The following FHIT variants were observed in gnomAD, a reference collection of about 807,000 sequenced individuals.
The protein encoded by FHIT is fragile histidine triad diadenosine triphosphatase.
In FHIT, 19 loss-of-function variants were observed where a neutral mutation model predicts 17.9. The ratio of observed to expected loss-of-function variants is 1.06; its 90% CI spans 0.74 to 1.56. The LOEUF is 1.56. Ranked by LOEUF, FHIT falls within the 40% of genes most tolerant of loss-of-function variation. FHIT has a pLI of 0.00. For missense variants in FHIT, 248 were observed against 189.2 expected (o/e 1.31, Z -1.82); for synonymous variants, 81 against 69.7 (o/e 1.16, Z -0.81).
chr3:61,123,066 G>A (rs879331366), intron 2 of FHIT, among the ~76,000 whole-genome samples: 25 of 151,366 alleles, frequency 1.7e-4, no homozygotes, highest in Non-Finnish European at 3.0e-4. Context: ...ATGTTCAATT[G>A]CAGCTGTTCA....
intron 5 of FHIT, among the ~76,000 whole-genome samples, chr3:60,358,686 C>A (rs1383871171): frequency 1.3e-5 from 2 of 152,180 alleles, no homozygotes; most frequent in Non-Finnish European, 2.9e-5. Flanking sequence ...TAGGTCTATA[C>A]TTTCTAGTGC....
chr3:59,791,748 A>G (rs1298543768), intron 8 of FHIT, among the ~76,000 whole-genome samples: 1 of 152,198 alleles, frequency 6.6e-6, no homozygotes. Flanking sequence ...GGGCAAGGAC[A>G]TTTCCACAAG....
chr3:60,440,961 G>A (rs1344229849), intron 5 of FHIT, among the ~76,000 whole-genome samples: 1 of 152,070 alleles, frequency 6.6e-6, no homozygotes, highest in Admixed American at 6.6e-5. Flanking sequence ...CCCAGCAAGA[G>A]AAATGTATTA....
At chr3:60,706,682 T>C (rs1238921681) in intron 4 of FHIT, among the ~76,000 whole-genome samples, 1 of 152,184 alleles carries the variant, frequency 6.6e-6, no homozygotes, top group Non-Finnish European at 1.5e-5. Flanking sequence ...GAAAAAATAT[T>C]TCTATTTCCA....
intron 4 of FHIT, among the ~76,000 whole-genome samples, chr3:60,760,420 G>T (rs1699606947): frequency 6.6e-6 from 1 of 152,210 alleles, no homozygotes; most frequent in African/African-American, 2.4e-5. Flanking sequence ...AGAAGCTATT[G>T]GAGATCTGAG....
intron 5 of FHIT, among the ~76,000 whole-genome samples, chr3:60,126,913 A>G (rs1705577300): frequency 6.6e-6 from 1 of 152,146 alleles, no homozygotes; most frequent in African/African-American, 2.4e-5. Flanking sequence ...TAATACCTGC[A>G]GGGAGGTGCG....
At chr3:60,011,448 C>G (rs957450885) in intron 6 of FHIT, 48 bp from the exon 7 acceptor site, 2 of 1,482,150 alleles carry the variant, frequency 1.3e-6, no homozygotes, top group African/African-American at 2.8e-5. Context: ...TAGATGGTAT[C>G]TCCTGCTTAT....
chr3:61,143,714 A>G (rs1341312918), intron 2 of FHIT, among the ~76,000 whole-genome samples: 2 of 152,158 alleles, frequency 1.3e-5, no homozygotes, highest in Admixed American at 1.3e-4. Context: ...AAAAATACAA[A>G]AATTAGCCGG....
chr3:60,788,789 C>G (rs1414163043), intron 4 of FHIT, among the ~76,000 whole-genome samples: 1 of 151,970 alleles, frequency 6.6e-6, no homozygotes, highest in Admixed American at 6.6e-5. Flanking sequence ...CATTTGTGGC[C>G]TCCTATCGTG....
chr3:60,469,219 T>G (rs410552), intron 5 of FHIT, among the ~76,000 whole-genome samples: 1 of 151,926 alleles, frequency 6.6e-6, no homozygotes, highest in African/African-American at 2.4e-5. Context: ...TTTGGAAGTT[T>G]TCTGTTATCC....
At chr3:59,940,320 T>TA (rs34023165) in intron 7 of FHIT, among the ~76,000 whole-genome samples, 5 of 152,084 alleles carry the variant, frequency 3.3e-5, no homozygotes, top group African/African-American at 7.2e-5. Context: ...ATCTTTCAGT[T>TA]AAAAAAAATT....
At chr3:60,702,173 C>G (rs2041264075) in intron 4 of FHIT, among the ~76,000 whole-genome samples, 1 of 152,144 alleles carries the variant, frequency 6.6e-6, no homozygotes, top group Admixed American at 6.6e-5. Context: ...TGAAAAGACA[C>G]TTTTACTGAA....
chr3:59,779,773 A>G (rs1417393390), intron 8 of FHIT, among the ~76,000 whole-genome samples: 5 of 152,192 alleles, frequency 3.3e-5, no homozygotes, highest in Non-Finnish European at 7.3e-5. Context: ...CTTGAAATGC[A>G]GTAGACAACA....
At chr3:60,196,804 C>T (rs1165233107) in intron 5 of FHIT, among the ~76,000 whole-genome samples, 1 of 150,488 alleles carries the variant, frequency 6.6e-6, no homozygotes, top group African/African-American at 2.4e-5. Flanking sequence ...TATATACATA[C>T]TATGATAGTA....
At position 59,879,626 on chromosome 3, in the gene FHIT, C is replaced by G. The variant is rs188893527; in HGVS notation, c.348+42720G>C. Among the ~76,000 whole-genome samples, 561 of 152,160 alleles carry G rather than the reference C, an allele frequency of 3.7e-3. 5 individuals are homozygous for G. Among genetic ancestry groups the G allele is most frequent in the Non-Finnish European group, 6.2e-3 (421 of 67,984 alleles). On this transcript the variant is annotated intron_variant, in intron 8 of 9. Coordinates refer to ENST00000492590, the MANE Select transcript of FHIT (RefSeq NM_002012.4). Reference sequence around the variant, plus strand: ...CAAAAAAAACCCACACAGCCCCAAACAAAACACAAATGACCTAACATTACG... The same window carrying G: ...CAAAAAAAACCCACACAGCCCCAAAGAAAACACAAATGACCTAACATTACG...
chr3:60,663,505 G>A (rs953782794), intron 4 of FHIT, among the ~76,000 whole-genome samples: 36 of 151,548 alleles, frequency 2.4e-4, no homozygotes, highest in African/African-American at 7.5e-4. Flanking sequence ...GTGCAATCTC[G>A]GCTCACTGCA....
chr3:60,223,709 T>G (rs939993771), intron 5 of FHIT, among the ~76,000 whole-genome samples: 1 of 152,190 alleles, frequency 6.6e-6, no homozygotes, highest in African/African-American at 2.4e-5. Context: ...CAAGTCTTCA[T>G]TCCTACATAC....
chr3:60,661,961 G>C (rs2040257897), intron 4 of FHIT, among the ~76,000 whole-genome samples: 1 of 152,084 alleles, frequency 6.6e-6, no homozygotes, highest in Non-Finnish European at 1.5e-5. Context: ...TTGGTCCTCT[G>C]TCAGATGTAT....
rs112542957 is a variant in FHIT at position 60,258,692 on chromosome 3, T to C, written c.104-244540A>G. Among the ~76,000 whole-genome samples, 227 of 152,244 alleles carry C rather than the reference T, an allele frequency of 1.5e-3. 2 individuals are homozygous for C. The highest frequency in any genetic ancestry group is 4.3e-3 in the African/African-American group (177 of 41,544). On this transcript the variant is annotated intron_variant, in intron 5 of 9. Coordinates refer to ENST00000492590, the MANE Select transcript of FHIT (RefSeq NM_002012.4). ...TCTATTGAATGAATTTTACGTGACA[T>C]GGGAGCCTTCATAGGAAAATGAAAC...
Sources: gnomAD v4.1 joint callset for allele counts (sites outside exome capture counted in the v4.1 genomes callset) on GRCh38, gnomAD v4.1.1 for gene constraint, MANE v1.5 for transcripts, NCBI Gene and HGNC (gene_info 2026-07-23, HGNC 2026-07-21) for gene names.